Variants in GAREM1 observed in about 807,000 individuals in gnomAD.
GAREM1 encodes GRB2-associated and regulator of MAPK protein 1.
Under a neutral mutation model 71.3 loss-of-function variants are expected in GAREM1, and 26 were observed. The ratio of observed to expected loss-of-function variants is 0.36; its 90% CI spans 0.27 to 0.51. The LOEUF is 0.51. Ranked by LOEUF, GAREM1 falls within the 20% of genes least tolerant of loss-of-function variation. GAREM1 has a pLI of 0.95. For missense variants in GAREM1, 1,026 were observed against 1,103.1 expected, an observed-to-expected ratio of 0.93 and a Z score of 0.99; for synonymous variants, 440 against 433.2, an observed-to-expected ratio of 1.02 and a Z score of -0.20.
intron 2 of GAREM1, among the ~76,000 whole-genome samples, chr18:32,383,033 G>T (rs1166916925): frequency 6.6e-6 from 1 of 152,050 alleles, no homozygotes; most frequent in Non-Finnish European, 1.5e-5. Flanking sequence ...ACTGCATTTG[G>T]TTTACCTACA....
intron 1 of GAREM1, among the ~76,000 whole-genome samples, chr18:32,394,798 G>C (rs571515755): frequency 6.6e-6 from 1 of 152,306 alleles, no homozygotes; most frequent in South Asian, 2.1e-4. Context: ...ACCAGGTTTA[G>C]AGTCCCATAG....
chr18:32,401,617 T>C (rs907431394), intron 1 of GAREM1, among the ~76,000 whole-genome samples: 2 of 152,094 alleles, frequency 1.3e-5, no homozygotes, highest in African/African-American at 4.8e-5. Context: ...GATGAGAAGA[T>C]GGCCAAAGCT....
intron 1 of GAREM1, among the ~76,000 whole-genome samples, chr18:32,406,566 A>G (rs1346575043): frequency 6.6e-6 from 1 of 152,202 alleles, no homozygotes; most frequent in East Asian, 1.9e-4. Context: ...TCAAAAAATG[A>G]AAATGTTGTC....
At chr18:32,362,002 T>G (rs2047870120) in intron 2 of GAREM1, among the ~76,000 whole-genome samples, 1 of 152,172 alleles carries the variant, frequency 6.6e-6, no homozygotes, top group African/African-American at 2.4e-5. Flanking sequence ...AATCAAAGTT[T>G]ATAAACCATT....
intron 4 of GAREM1, 95 bp downstream of exon 4, chr18:32,286,936 T>C: frequency 2.2e-6 from 2 of 894,750 alleles, no homozygotes; most frequent in Non-Finnish European, 3.5e-6. Flanking sequence ...CACTCTGCAA[T>C]CTTCAGTTGG....
chr18:32,335,381 A>C (rs2047580248), intron 2 of GAREM1, among the ~76,000 whole-genome samples: 1 of 152,210 alleles, frequency 6.6e-6, no homozygotes, highest in Non-Finnish European at 1.5e-5. Flanking sequence ...GTCAAGCTGC[A>C]AGTGAAGAGG....
At chr18:32,397,012 A>G (rs2048264103) in intron 1 of GAREM1, among the ~76,000 whole-genome samples, 1 of 152,206 alleles carries the variant, frequency 6.6e-6, no homozygotes, top group Non-Finnish European at 1.5e-5. Flanking sequence ...CAACATTCTT[A>G]AAGAAAAGAA....
rs140225815 is a variant in GAREM1 at position 32,286,321 on chromosome 18, AGTGTGTGTGTGTGTGTGTGT to A, written c.1566+690_1566+709del. Among the ~76,000 whole-genome samples the A allele has an allele frequency of 5.9e-3, 850 of 143,230 alleles. 11 individuals are homozygous for A. Among genetic ancestry groups the A allele is most frequent in the African/African-American group, 0.021 (813 of 39,540 alleles). 94.0% of individuals were successfully genotyped at this position (143,230 alleles called of 152,430 possible). ...GAACTACCCTGGCACCTGGTTCTGGAGTGTGTGTGTGTGTGTGTGTGTGTGTGTGTGTGTGTGTATAATAC... is the reference window on the plus strand; with the variant it reads ...GAACTACCCTGGCACCTGGTTCTGGAGTGTGTGTGTGTGTGTGTATAATAC... On this transcript the variant is annotated intron_variant, in intron 4 of 5. Transcript: ENST00000269209.
At chr18:32,341,637 G>A (rs1567971341) in intron 2 of GAREM1, among the ~76,000 whole-genome samples, 1 of 152,184 alleles carries the variant, frequency 6.6e-6, no homozygotes, top group Admixed American at 6.5e-5. Context: ...AAAGCAATGG[G>A]AAATCACTGG....
intron 2 of GAREM1, among the ~76,000 whole-genome samples, chr18:32,311,544 G>A (rs2047323654): frequency 6.6e-6 from 1 of 152,186 alleles, no homozygotes; most frequent in South Asian, 2.1e-4. Flanking sequence ...GGGTGTGGGG[G>A]ATGGAGAGTG....
chr18:32,326,465 GC>G (rs1011951675), intron 2 of GAREM1, among the ~76,000 whole-genome samples: 2 of 152,138 alleles, frequency 1.3e-5, no homozygotes, highest in African/African-American at 2.4e-5. Context: ...ATTGTAGAGA[GC>G]CCCCCACTCT....
chr18:32,340,023 T>C lies in GAREM1; in HGVS notation c.263-29700A>G, dbSNP rs139292764. On this transcript the variant is annotated intron_variant, in intron 2 of 5. Transcript: ENST00000269209. Reference sequence around the variant, plus strand: ...TAAAATCTCTCACTAGCTCCTAAAATACCTGGACACAATTCAAAATCCTTC... The same window carrying C: ...TAAAATCTCTCACTAGCTCCTAAAACACCTGGACACAATTCAAAATCCTTC... Among the ~76,000 whole-genome samples the C allele has an allele frequency of 2.6e-5, 4 of 152,320 alleles. No individual in the cohort carries two copies. The East Asian group carries it at 7.7e-4, about 29-fold the overall frequency.
chr18:32,310,812 C>T (rs1418049759), intron 2 of GAREM1, among the ~76,000 whole-genome samples: 2 of 151,802 alleles, frequency 1.3e-5, no homozygotes, highest in Non-Finnish European at 2.9e-5. Context: ...TAATGGATTC[C>T]TGGCTTTCAC....
At chr18:32,463,706 A>G (rs930527991) in intron 1 of GAREM1, among the ~76,000 whole-genome samples, 2 of 151,004 alleles carry the variant, frequency 1.3e-5, no homozygotes, top group Non-Finnish European at 2.9e-5. Flanking sequence ...AGTAGCTGGG[A>G]CTACAGGCAC....
intron 1 of GAREM1, among the ~76,000 whole-genome samples, chr18:32,421,032 T>C (rs946100110): frequency 2.0e-5 from 3 of 152,138 alleles, no homozygotes; most frequent in Non-Finnish European, 4.4e-5. Context: ...TCAGAGTCCT[T>C]TGGATGGAGG....
At chr18:32,322,615 G>C (rs1460278401) in intron 2 of GAREM1, among the ~76,000 whole-genome samples, 1 of 152,086 alleles carries the variant, frequency 6.6e-6, no homozygotes, top group Admixed American at 6.5e-5. Context: ...GAACTAACCA[G>C]TAAACTTTCT....
At chr18:32,438,862 T>C (rs542328359) in intron 1 of GAREM1, among the ~76,000 whole-genome samples, 3 of 152,246 alleles carry the variant, frequency 2.0e-5, no homozygotes, top group African/African-American at 7.2e-5. Flanking sequence ...GCACCGTGTC[T>C]CCTAAGCAAG....
chr18:32,301,334 G>A (rs2047199555), intron 3 of GAREM1, among the ~76,000 whole-genome samples: 1 of 152,174 alleles, frequency 6.6e-6, no homozygotes, highest in Non-Finnish European at 1.5e-5. Flanking sequence ...TCTGACATGT[G>A]ATATTTAAAT....
At chr18:32,409,445 T>G (rs988927979) in intron 1 of GAREM1, among the ~76,000 whole-genome samples, 1 of 152,192 alleles carries the variant, frequency 6.6e-6, no homozygotes, top group African/African-American at 2.4e-5. Flanking sequence ...CTACATTTTA[T>G]AGTTTACTGT....
Sources: allele counts gnomAD v4.1 joint callset (sites outside exome capture counted in the v4.1 genomes callset), GRCh38; gene constraint gnomAD v4.1.1; transcripts MANE v1.5; gene names NCBI Gene and HGNC (gene_info 2026-07-23, HGNC 2026-07-21).